CAST: variants seen among roughly 807,000 people sequenced by gnomAD.
CAST encodes the protein calpastatin, also known as MIR583 host.
In CAST, 76 loss-of-function variants were observed where a neutral mutation model predicts 119.6. That is an observed-to-expected ratio of 0.64 (90% CI 0.53 to 0.77). CAST has a LOEUF of 0.77. Among genes scored for constraint, CAST ranks in the 30% least tolerant of loss-of-function variants. The pLI is 0.00. For synonymous variants in CAST, 319 were observed against 331.6 expected (o/e 0.96, Z 0.41); for missense variants, 953 against 946.5 (o/e 1.01, Z -0.09).
chr5:96,489,347 G>A, the CAST span, among the ~76,000 whole-genome samples: 1 of 152,226 alleles, frequency 6.6e-6, no homozygotes, highest in African/African-American at 2.4e-5. Flanking sequence ...CATAATGGCA[G>A]CAGGGCTGCA....
chr5:96,647,727 CT>C (rs1748034209), intron 1 of CAST, among the ~76,000 whole-genome samples: 1 of 152,196 alleles, frequency 6.6e-6, no homozygotes, highest in Non-Finnish European at 1.5e-5. Flanking sequence ...TGGAATTACA[CT>C]GCTACAAGCC....
At chr5:96,341,593 G>C in the CAST span, among the ~76,000 whole-genome samples, 3 of 151,744 alleles carry the variant, frequency 2.0e-5, no homozygotes, top group African/African-American at 7.3e-5. Context: ...ATCCCTTTCT[G>C]GGTGTTTTTC....
At chr5:96,105,652 G>T in the CAST span, among the ~76,000 whole-genome samples, 1 of 152,142 alleles carries the variant, frequency 6.6e-6, no homozygotes, top group East Asian at 1.9e-4. Flanking sequence ...TTTTATTGAG[G>T]ATTTTTGCAT....
At chr5:96,392,895 A>G in the CAST span, 2 of 1,133,168 alleles carry the variant, frequency 1.8e-6, no homozygotes, top group Non-Finnish European at 2.7e-6. Flanking sequence ...CACAAAGGAT[A>G]TTATAAGCAT....
At chr5:96,562,006 A>G (rs950332613) in intron 1 of CAST, among the ~76,000 whole-genome samples, 1 of 150,126 alleles carries the variant, frequency 6.7e-6, no homozygotes, top group Non-Finnish European at 1.5e-5. Context: ...GTTAGCCAGG[A>G]TGGTCTCGAT....
the CAST span, among the ~76,000 whole-genome samples, chr5:96,152,374 T>C: frequency 0.33 from 50,349 of 152,034 alleles, 8,571 homozygotes; most frequent in Middle Eastern, 0.39. Context: ...GTGACCTCAG[T>C]AAGGCACCTT....
At chr5:95,981,990 G>T in the CAST span, among the ~76,000 whole-genome samples, 2 of 151,932 alleles carry the variant, frequency 1.3e-5, no homozygotes, top group Non-Finnish European at 2.9e-5. Flanking sequence ...GGCATGTCAG[G>T]CATCTCCCTT....
intron 3 of CAST, among the ~76,000 whole-genome samples, chr5:96,706,578 C>T (rs1269417534): frequency 1.3e-5 from 2 of 152,336 alleles, no homozygotes. Context: ...AAAATGCCAA[C>T]AGCTGCAGAT....
At chr5:96,092,268 G>A in the CAST span, among the ~76,000 whole-genome samples, 2 of 152,148 alleles carry the variant, frequency 1.3e-5, no homozygotes, top group East Asian at 1.9e-4. Context: ...CTTTCAAAGC[G>A]ATGCTCTTAT....
chr5:96,368,170 A>C, the CAST span, among the ~76,000 whole-genome samples: 2 of 147,126 alleles, frequency 1.4e-5, no homozygotes, highest in Admixed American at 1.4e-4. Context: ...TTTTCCTTGG[A>C]GTTACTAATT....
chr5:96,753,727 GACC>G (rs1765673031), intron 20 of CAST, among the ~76,000 whole-genome samples: 1 of 152,148 alleles, frequency 6.6e-6, no homozygotes, highest in African/African-American at 2.4e-5. Flanking sequence ...TCTCCATAAA[GACC>G]ACGTCTTTCT....
the CAST span, among the ~76,000 whole-genome samples, chr5:96,078,902 A>G: frequency 1.3e-5 from 2 of 152,138 alleles, no homozygotes; most frequent in African/African-American, 4.8e-5. Flanking sequence ...ATAGGGACAC[A>G]TAGAGGGAAA....
At chr5:96,413,773 C>A in the CAST span, among the ~76,000 whole-genome samples, 1 of 142,494 alleles carries the variant, frequency 7.0e-6, no homozygotes, top group Non-Finnish European at 1.5e-5. Flanking sequence ...TGCACTCCAG[C>A]CTGGGCAACA....
chr5:96,771,650 G>A lies in CAST; in HGVS notation c.2347G>A (p.Glu783Lys). Residue 783 changes from glutamate to lysine, a missense_variant, in exon 31 of 32, where the codon GAG becomes AAG. Physicochemically the swap from Glu to Lys is moderately conservative, Grantham distance 56 (BLOSUM62 1). Transcript: ENST00000675179. ...GKAKDSAKTT[E>K]ETSKPKDD is the part of the protein sequence containing the mutation. ...GTTTTGCTTTCCCTTTTAGACAACAGAGGAAACTTCCAAGCCAAAAGATGA... is the reference window on the plus strand; with the variant it reads ...GTTTTGCTTTCCCTTTTAGACAACAAAGGAAACTTCCAAGCCAAAAGATGA... The A allele has an allele frequency of 1.9e-6, 3 of 1,612,024 alleles. No individual in the cohort carries two copies. Among genetic ancestry groups the A allele is most frequent in the South Asian group, 2.2e-5 (2 of 90,892 alleles).
chr5:96,149,728 C>G, the CAST span, among the ~76,000 whole-genome samples: 1 of 152,172 alleles, frequency 6.6e-6, no homozygotes, highest in South Asian at 2.1e-4. Context: ...CATTGCATGT[C>G]TAGACAAAGA....
intron 2 of CAST, among the ~76,000 whole-genome samples, chr5:96,684,366 C>A (rs2150273800): frequency 6.6e-6 from 1 of 152,182 alleles, no homozygotes; most frequent in Non-Finnish European, 1.5e-5. Context: ...AAAGGTGAGT[C>A]TCGTATTGAT....
the CAST span, among the ~76,000 whole-genome samples, chr5:96,518,155 GA>G: frequency 2.6e-5 from 4 of 152,116 alleles, no homozygotes; most frequent in Admixed American, 2.6e-4. Flanking sequence ...AAATTTGGGA[GA>G]AAAAAACATA....
At chr5:96,080,809 A>G in the CAST span, among the ~76,000 whole-genome samples, 3 of 152,078 alleles carry the variant, frequency 2.0e-5, no homozygotes, top group Non-Finnish European at 4.4e-5. Flanking sequence ...AGGAGACTCA[A>G]CTCTGGCTGG....
intron 1 of CAST, among the ~76,000 whole-genome samples, chr5:96,550,102 C>T (rs568718947): frequency 6.6e-6 from 1 of 152,246 alleles, no homozygotes; most frequent in Non-Finnish European, 1.5e-5. Flanking sequence ...AGACTGCCTC[C>T]TCAAGTGGGT....
Sources: gnomAD v4.1 joint callset for allele counts (sites outside exome capture counted in the v4.1 genomes callset) on GRCh38, gnomAD v4.1.1 for gene constraint, MANE v1.5 for transcripts, NCBI Gene and HGNC (gene_info 2026-07-23, HGNC 2026-07-21) for gene names.